The following ZNF804B variants were observed in gnomAD, a reference collection of about 807,000 sequenced individuals.
ZNF804B encodes the protein zinc finger 804B.
A neutral mutation model predicts 101.4 loss-of-function variants in ZNF804B; 80 were observed. The observed-to-expected ratio is 0.79, with a 90% CI of 0.66 to 0.95. The LOEUF is 0.95. Ranked by LOEUF, ZNF804B falls within the 40% of genes least tolerant of loss-of-function variation. The probability of loss-of-function intolerance (pLI) is 0.00; values close to 1 mark genes in which losing one functional copy is unlikely to be tolerated. For missense variants in ZNF804B, 1,673 were observed against 1,561.9 expected, an observed-to-expected ratio of 1.07 and a Z score of -1.20; for synonymous variants, 622 against 558.8, an observed-to-expected ratio of 1.11 and a Z score of -1.59.
intron 1 of ZNF804B, among the ~76,000 whole-genome samples, chr7:88,993,501 T>G (rs939990421): frequency 6.6e-5 from 10 of 151,990 alleles, no homozygotes; most frequent in African/African-American, 2.4e-4. Context: ...CTTACATAAT[T>G]TAATGAACAG....
intron 1 of ZNF804B, among the ~76,000 whole-genome samples, chr7:88,845,217 G>C (rs1791350572): frequency 6.6e-6 from 1 of 151,864 alleles, no homozygotes; most frequent in Non-Finnish European, 1.5e-5. Flanking sequence ...TGTAACATTT[G>C]GTTTAAAAGG....
chr7:88,848,621 CT>C (rs35391874), intron 1 of ZNF804B, among the ~76,000 whole-genome samples: 3,071 of 111,046 alleles, frequency 0.028, 41 homozygotes, highest in African/African-American at 0.035. Flanking sequence ...AATGCATTTT[CT>C]TTTTTTTTTT....
intron 2 of ZNF804B, among the ~76,000 whole-genome samples, chr7:89,266,754 G>A (rs1014181716): frequency 4.6e-5 from 7 of 151,810 alleles, no homozygotes; most frequent in African/African-American, 1.2e-4. Context: ...AAAAATATTG[G>A]CATTGTAATA....
At chr7:88,773,887 G>C (rs1790105884) in intron 1 of ZNF804B, among the ~76,000 whole-genome samples, 1 of 151,992 alleles carries the variant, frequency 6.6e-6, no homozygotes, top group Non-Finnish European at 1.5e-5. Flanking sequence ...AGCCATGAGG[G>C]ATCCGCCCCA....
intron 1 of ZNF804B, among the ~76,000 whole-genome samples, chr7:88,903,272 C>T (rs1792419226): frequency 6.6e-6 from 1 of 152,084 alleles, no homozygotes; most frequent in South Asian, 2.1e-4. Context: ...CTGCAAAGGA[C>T]ATATGGTTTC....
chr7:88,827,432 G>T lies in ZNF804B; in HGVS notation c.108+67348G>T, dbSNP rs529908719. ...TGTGTCTTTGTATTTACATATATGT[G>T]TTTTTTTTTTTAACTAAAAGACAAC... On this transcript the variant is annotated intron_variant, in intron 1 of 3. Transcript: ENST00000333190. Among the ~76,000 whole-genome samples the T allele has an allele frequency of 2.0e-5, 3 of 147,670 alleles. No homozygotes were observed. The South Asian group carries it at 6.4e-4, about 31-fold the overall frequency.
chr7:89,333,463 T>G lies in ZNF804B; in HGVS notation c.481T>G (p.Cys161Gly). The stretch of plus-strand genomic sequence containing the variant: ...CATTAAGAATGGCAGAAAGGTATCA[T>G]GCATGAAGAGTGCTCTTCTCCTTAA... The part of the protein sequence containing the change: ...FPIKNGRKVS[C>G]MKSALLLKGK... The change falls in exon 4 of 4, where the codon TGC (cysteine) becomes GGC (glycine). Residue 161 changes from cysteine to glycine, a missense_variant. Physicochemically the swap from Cys to Gly is radical, Grantham distance 159. Coordinates refer to ENST00000333190, the MANE Select transcript of ZNF804B (RefSeq NM_181646.5). 6.2e-7 allele frequency: 1 copy of G among 1,613,264 alleles called. No homozygotes were observed. Among genetic ancestry groups the G allele is most frequent in the Non-Finnish European group, 8.5e-7 (1 of 1,179,514 alleles).
intron 1 of ZNF804B, among the ~76,000 whole-genome samples, chr7:88,855,320 A>C (rs1371158281): frequency 6.6e-6 from 1 of 150,414 alleles, no homozygotes; most frequent in Non-Finnish European, 1.5e-5. Context: ...ATGGTATCTC[A>C]TTGTGGTTTT....
chr7:89,152,246 G>GT (rs1790889135), intron 1 of ZNF804B, among the ~76,000 whole-genome samples: 2 of 130,642 alleles, frequency 1.5e-5, no homozygotes, highest in Admixed American at 1.5e-4. Context: ...CTACTGCATG[G>GT]TTTTTTCTTT....
At chr7:89,198,980 A>C (rs1431318538) in intron 1 of ZNF804B, among the ~76,000 whole-genome samples, 1 of 151,908 alleles carries the variant, frequency 6.6e-6, no homozygotes, top group Non-Finnish European at 1.5e-5. Flanking sequence ...TAAAAAAGTC[A>C]GCAATAAAGG....
intron 1 of ZNF804B, among the ~76,000 whole-genome samples, chr7:88,892,914 A>C (rs1792234121): frequency 6.6e-6 from 1 of 152,144 alleles, no homozygotes. Flanking sequence ...TAAATGTTGA[A>C]TTATGGTCAG....
chr7:88,907,254 A>G (rs534699970), intron 1 of ZNF804B, among the ~76,000 whole-genome samples: 29 of 152,124 alleles, frequency 1.9e-4, no homozygotes, highest in South Asian at 1.0e-3. Flanking sequence ...TCCCTCGAAG[A>G]TAGCACAAGG....
chr7:89,102,463 T>C (rs1463171542), intron 1 of ZNF804B, among the ~76,000 whole-genome samples: 1 of 152,070 alleles, frequency 6.6e-6, no homozygotes, highest in African/African-American at 2.4e-5. Context: ...TTCATGTGTT[T>C]GTTGGTCGCT....
At chr7:88,776,791 C>T (rs985351189) in intron 1 of ZNF804B, among the ~76,000 whole-genome samples, 4 of 100,124 alleles carry the variant, frequency 4.0e-5, no homozygotes, top group Admixed American at 2.6e-4. Flanking sequence ...CCCCCCCCCC[C>T]ACCCTGTTCA....
At chr7:89,177,155 T>G (rs890444717) in intron 1 of ZNF804B, among the ~76,000 whole-genome samples, 1 of 152,212 alleles carries the variant, frequency 6.6e-6, no homozygotes, top group Admixed American at 6.5e-5. Context: ...TCTACTAATT[T>G]TGGGAATAGT....
In ZNF804B at chr7:89,334,095, C is replaced by T. The variant is rs1368913056; in HGVS notation, c.1113C>T (p.Asn371=). ...CQANASFSPP[N]IYNHSDARIS... is the part of the protein sequence containing the mutation. ...CAAATGCTTCCTTCAGCCCACCAAA[C>T]ATTTACAACCATAGTGATGCCAGGA... Residue 371 remains asparagine, a synonymous_variant, in exon 4 of 4, where the codon AAC becomes AAT. Transcript: ENST00000333190. The T allele has an allele frequency of 1.9e-6, 3 of 1,613,706 alleles. No homozygotes were observed. In the South Asian group the frequency reaches 3.3e-5, roughly 18 times the overall value.
In ZNF804B at chr7:88,874,874, C is replaced by G. The variant is rs889973338; in HGVS notation, c.108+114790C>G. ...AATATACATTTTTTTCAGCACCACA[C>G]CACACCTATTCCAAAATTGACCACA... On this transcript the variant is annotated intron_variant, in intron 1 of 3. Transcript: ENST00000333190. Among the ~76,000 whole-genome samples the G allele has an allele frequency of 1.4e-5, 2 of 147,254 alleles. 1 individual carries two copies. The highest frequency in any genetic ancestry group is 1.4e-4 in the Admixed American group (2 of 14,570).
At chr7:89,148,573 A>G (rs1790824020) in intron 1 of ZNF804B, among the ~76,000 whole-genome samples, 1 of 152,112 alleles carries the variant, frequency 6.6e-6, no homozygotes, top group South Asian at 2.1e-4. Context: ...GTATTTAAAA[A>G]TATTAATACA....
At chr7:88,806,324 A>G (rs1049730654) in intron 1 of ZNF804B, among the ~76,000 whole-genome samples, 4 of 152,142 alleles carry the variant, frequency 2.6e-5, no homozygotes, top group South Asian at 2.1e-4. Flanking sequence ...TATAGATTGC[A>G]GTTGCTGTGA....
Sources: allele counts gnomAD v4.1 joint callset (sites outside exome capture counted in the v4.1 genomes callset), GRCh38; gene constraint gnomAD v4.1.1; transcripts MANE v1.5; gene names NCBI Gene and HGNC (gene_info 2026-07-23, HGNC 2026-07-21).